The following NPHS2 variants were observed in gnomAD, a reference collection of about 807,000 sequenced individuals.
NPHS2 encodes NPHS2 stomatin family member, podocin.
A neutral mutation model predicts 37.1 loss-of-function variants in NPHS2; 36 were observed. The ratio of observed to expected loss-of-function variants is 0.97; its 90% CI spans 0.74 to 1.28. The LOEUF is 1.28. Among genes scored for constraint, NPHS2 ranks in the 50% most tolerant of loss-of-function variants. NPHS2 has a pLI of 0.00. For synonymous variants in NPHS2, 196 were observed against 189.3 expected (o/e 1.04, Z -0.29); for missense variants, 447 against 488.1 (o/e 0.92, Z 0.79).
intron 2 of NPHS2, among the ~76,000 whole-genome samples, chr1:179,563,123 T>C (rs1301754440): frequency 6.6e-6 from 1 of 152,110 alleles, no homozygotes; most frequent in Non-Finnish European, 1.5e-5. Flanking sequence ...AAGTAAAAGA[T>C]GGAAAAGATA....
chr1:179,562,861 T>C (rs1674196231), intron 2 of NPHS2, among the ~76,000 whole-genome samples: 1 of 152,230 alleles, frequency 6.6e-6, no homozygotes, highest in Non-Finnish European at 1.5e-5. Flanking sequence ...AAGGGGAGTC[T>C]TATTTCTTCA....
intron 2 of NPHS2, 48 bp from the exon 3 acceptor site, chr1:179,561,409 C>A: frequency 7.1e-7 from 1 of 1,404,482 alleles, no homozygotes; most frequent in Non-Finnish European, 1.0e-6. Context: ...AAGAAAAAGT[C>A]TTCAAAAGGC....
chr1:179,569,264 G>C, intron 1 of NPHS2, among the ~76,000 whole-genome samples: 1 of 151,848 alleles, frequency 6.6e-6, no homozygotes, highest in East Asian at 1.9e-4. Context: ...ATTTAGGATA[G>C]TTAGCTCTTC....
Position 179,556,878 on chromosome 1 carries a change from A to G in NPHS2, c.738+149T>C, listed in dbSNP as rs1364145624. The G allele has an allele frequency of 2.7e-6, 2 of 738,484 alleles. No individual in the cohort carries two copies. Among genetic ancestry groups the G allele is most frequent in the East Asian group, 2.7e-5 (1 of 37,010 alleles). The allele number at this position is 738,484 out of a possible 1,614,324, so 45.7% of individuals were successfully genotyped here. A position where few individuals can be genotyped will look rare whatever the true frequency, so the allele number is the denominator to read the frequency against. ...GATAACTATAATTGACTCAGAGTCA[A>G]TTTGGCAACCTCCTAACTAGCTATG... On this transcript the variant is annotated intron_variant, in intron 5 of 7. Transcript: ENST00000367615. The surrounding 1 kb of genome is among the most constrained non-coding windows in gnomAD (Gnocchi z 4.1).
At chr1:179,574,829 C>T (rs899413661) in intron 1 of NPHS2, among the ~76,000 whole-genome samples, 7 of 152,104 alleles carry the variant, frequency 4.6e-5, no homozygotes, top group Non-Finnish European at 7.4e-5. Context: ...CAAAATTTTC[C>T]CAAGAGTTGT....
intron 2 of NPHS2, among the ~76,000 whole-genome samples, chr1:179,562,555 T>C (rs4652413): frequency 0.9 from 137,303 of 152,242 alleles, 62,085 homozygotes; most frequent in East Asian, 0.98. Flanking sequence ...TAATAACTAG[T>C]CAAATATAAA....
At chr1:179,573,549 T>C (rs866025502) in intron 1 of NPHS2, among the ~76,000 whole-genome samples, 1 of 152,244 alleles carries the variant, frequency 6.6e-6, no homozygotes, top group Non-Finnish European at 1.5e-5. Flanking sequence ...TCTATGGAAC[T>C]TATTTCTCAT....
chr1:179,551,653 T>G, intron 7 of NPHS2: 1 of 612,302 alleles, frequency 1.6e-6, no homozygotes, highest in Non-Finnish European at 2.9e-6. Flanking sequence ...TAAGGTGGAA[T>G]GCGTTAGGAG....
At chr1:179,552,391 A>C (rs949223655) in intron 7 of NPHS2, 5 of 608,794 alleles carry the variant, frequency 8.2e-6, no homozygotes, top group Non-Finnish European at 1.5e-5. Flanking sequence ...GTGAGTGGTC[A>C]CTATTATCAG....
chr1:179,565,369 C>G (rs1254330641), intron 1 of NPHS2, among the ~76,000 whole-genome samples: 1 of 152,180 alleles, frequency 6.6e-6, no homozygotes, highest in African/African-American at 2.4e-5. Context: ...TCTACTGTTT[C>G]ATATCCAGAT....
chr1:179,572,280 C>G (rs901782698), intron 1 of NPHS2, among the ~76,000 whole-genome samples: 3 of 152,182 alleles, frequency 2.0e-5, no homozygotes, highest in Non-Finnish European at 4.4e-5. Context: ...CATTACAAGC[C>G]TTAATGTCTG....
At position 179,557,099 on chromosome 1, in the gene NPHS2, C is replaced by G. The variant is rs1266101014; in HGVS notation, c.666G>C (p.Met222Ile). 2 of 1,613,962 alleles carry G rather than the reference C, an allele frequency of 1.2e-6. No homozygotes were observed. Among genetic ancestry groups the G allele is most frequent in the Non-Finnish European group, 1.7e-6 (2 of 1,180,014 alleles). ...KAVQFLVQTT[M>I]KRLLAHRSLT... ...GGGATCGATGTGCTAGGAGACGCTTCATAGTGGTTTGCACAAGGAATTGCA... is the reference window on the plus strand; with the variant it reads ...GGGATCGATGTGCTAGGAGACGCTTGATAGTGGTTTGCACAAGGAATTGCA... Residue 222 changes from methionine (M) to isoleucine (I), a missense_variant, in exon 5 of 8, where the codon ATG becomes ATC. By Grantham distance (10) the Met-to-Ile change is conservative. Transcript: ENST00000367615.
chr1:179,550,761 T>C lies in NPHS2; in HGVS notation c.*412A>G. 3.7e-6 allele frequency: 1 copy of C among 267,822 alleles called. No individual in the cohort carries two copies. The highest frequency in any genetic ancestry group is 4.7e-5 in the South Asian group (1 of 21,326). 16.6% of individuals were successfully genotyped at this position (267,822 alleles called of 1,614,324 possible). On this transcript the variant is annotated 3_prime_UTR_variant, in exon 8 of 8. Coordinates refer to ENST00000367615, the MANE Select transcript of NPHS2 (RefSeq NM_014625.4). ...CTGCATCTTTGGGACAGAAGAGCAA[T>C]AGAGTGTGACAAGCCCAATGATAGG...
chr1:179,562,840 C>T (rs1674195694), intron 2 of NPHS2, among the ~76,000 whole-genome samples: 1 of 152,214 alleles, frequency 6.6e-6, no homozygotes, highest in South Asian at 2.1e-4. Flanking sequence ...AACAAATTCT[C>T]CCCAGAGATG....
intron 1 of NPHS2, among the ~76,000 whole-genome samples, chr1:179,575,158 T>TA (rs1345249732): frequency 6.6e-6 from 1 of 152,214 alleles, no homozygotes; most frequent in Admixed American, 6.5e-5. Context: ...CCCAGAAGTT[T>TA]AAAATGCTTT....
rs768072505 is a variant in NPHS2 at position 179,561,275 on chromosome 1, G to A, written c.451+14C>T. On this transcript the variant is annotated intron_variant, in intron 3 of 7. Transcript: ENST00000367615. ...AGGAGAGAGGTGTTTAGAAAAAAAA[G>A]AGTGTTTTTTTACCAGGGCCTTTGG... 1.2e-6 allele frequency: 2 copies of A among 1,600,188 alleles called. No homozygotes were observed. Among genetic ancestry groups the A allele is most frequent in the South Asian group, 1.1e-5 (1 of 90,766 alleles).
intron 1 of NPHS2, among the ~76,000 whole-genome samples, chr1:179,567,639 G>T (rs574820985): frequency 3.2e-4 from 49 of 152,266 alleles, no homozygotes; most frequent in African/African-American, 1.1e-3. Flanking sequence ...TCCTTGTCTT[G>T]TGCTGGTTTT....
Position 179,559,700 on chromosome 1 carries a change from A to G in NPHS2, c.513T>C (p.Thr171=), listed in dbSNP as rs762900894. The stretch of plus-strand genomic sequence containing the variant: ...TTACCTCATGAAAAGGTATCTCCAG[A>G]GTTTGGAGACGAAGGTCAACCTTGT... ...TYHKVDLRLQ[T]LEIPFHEIVT... Residue 171 remains threonine, a synonymous_variant, in exon 4 of 8, where the codon ACT becomes ACC. Coordinates refer to ENST00000367615, the MANE Select transcript of NPHS2 (RefSeq NM_014625.4). 3.9e-5 allele frequency: 62 copies of G among 1,590,118 alleles called. No homozygotes were observed. Among genetic ancestry groups the G allele is most frequent in the Non-Finnish European group, 4.9e-5 (57 of 1,165,562 alleles).
At chr1:179,565,478 G>A (rs1187044241) in intron 1 of NPHS2, among the ~76,000 whole-genome samples, 1 of 152,108 alleles carries the variant, frequency 6.6e-6, no homozygotes, top group Non-Finnish European at 1.5e-5. Flanking sequence ...ACTAGTTCAT[G>A]AGCTATATCA....
Sources: gnomAD v4.1 joint callset for allele counts (sites outside exome capture counted in the v4.1 genomes callset) on GRCh38, gnomAD v4.1.1 for gene constraint, Gnocchi (gnomAD v3.1) non-coding constraint, MANE v1.5 for transcripts, NCBI Gene and HGNC (gene_info 2026-07-23, HGNC 2026-07-21) for gene names.